GLIS3: variants seen among roughly 807,000 people sequenced by gnomAD.
The protein encoded by GLIS3 is zinc finger protein GLIS3.
GLIS3 carries 53 observed loss-of-function variants against 78.6 expected under a neutral mutation model. The observed-to-expected ratio is 0.67, with a 90% CI of 0.54 to 0.85. The LOEUF (loss-of-function observed/expected upper bound fraction) is 0.85, where lower values mean the gene tolerates loss of function less well. GLIS3 is among the 40% of genes least tolerant of loss of function. The pLI is 0.00. For missense variants in GLIS3, 1,703 were observed against 1,231.1 expected (o/e 1.38, Z -5.74); for synonymous variants, 684 against 509.9 (o/e 1.34, Z -4.60).
At chr9:3,888,292 A>G (rs932994969) in intron 7 of GLIS3, among the ~76,000 whole-genome samples, 1 of 152,192 alleles carries the variant, frequency 6.6e-6, no homozygotes, top group Non-Finnish European at 1.5e-5. Context: ...TCATGCCTCA[A>G]CTATCTCCTA....
chr9:4,023,979 G>A (rs1823095907), intron 4 of GLIS3, among the ~76,000 whole-genome samples: 1 of 151,280 alleles, frequency 6.6e-6, no homozygotes, highest in Non-Finnish European at 1.5e-5. Flanking sequence ...GTCATGAAGA[G>A]TAAGACCATG....
At chr9:4,003,890 T>C (rs1383576053) in intron 4 of GLIS3, among the ~76,000 whole-genome samples, 2 of 152,356 alleles carry the variant, frequency 1.3e-5, no homozygotes, top group East Asian at 3.9e-4. Context: ...TTGTTAAATT[T>C]ATTTGGTAAA....
the GLIS3 span, among the ~76,000 whole-genome samples, chr9:4,408,789 G>A: frequency 1.3e-5 from 2 of 150,798 alleles, no homozygotes; most frequent in Admixed American, 1.3e-4. Flanking sequence ...TGTCATAACA[G>A]GGGGATTATA....
chr9:4,340,297 A>AT (rs1325513531), intron 2 of GLIS3, among the ~76,000 whole-genome samples: 1 of 151,036 alleles, frequency 6.6e-6, no homozygotes, highest in African/African-American at 2.4e-5. Context: ...AAATGAGAAA[A>AT]AAAAAAAAAA....
chr9:4,381,743 G>T, the GLIS3 span, among the ~76,000 whole-genome samples: 1 of 152,194 alleles, frequency 6.6e-6, no homozygotes, highest in Non-Finnish European at 1.5e-5. Context: ...CTGGGGCTGT[G>T]GGAATCCACA....
Position 3,937,196 on chromosome 9 carries a change from A to G in GLIS3, c.1711-7T>C. On this transcript the variant is annotated splice_region_variant and splice_polypyrimidine_tract_variant and intron_variant, in intron 4 of 10. Transcript: ENST00000381971. Reference sequence around the variant, plus strand: ...CCTTCTCGCAACCTTCAAACTGCAAAAAGAAAACAATTTTTGGTGGTTGAG... The same window carrying G: ...CCTTCTCGCAACCTTCAAACTGCAAGAAGAAAACAATTTTTGGTGGTTGAG... 2 of 1,614,130 alleles carry G rather than the reference A, an allele frequency of 1.2e-6. No homozygotes were observed. The highest frequency in any genetic ancestry group is 8.5e-7 in the Non-Finnish European group (1 of 1,179,994).
At chr9:4,182,108 C>T (rs970163302) in intron 2 of GLIS3, among the ~76,000 whole-genome samples, 1 of 152,158 alleles carries the variant, frequency 6.6e-6, no homozygotes, top group Non-Finnish European at 1.5e-5. Flanking sequence ...AGAAGACAAG[C>T]AAAGAATAAA....
chr9:4,386,892 G>A, the GLIS3 span, among the ~76,000 whole-genome samples: 7 of 152,124 alleles, frequency 4.6e-5, no homozygotes, highest in Non-Finnish European at 7.3e-5. Flanking sequence ...CAGAGGGACC[G>A]ATGGTCTTTT....
intron 4 of GLIS3, among the ~76,000 whole-genome samples, chr9:4,057,159 A>G (rs1488850032): frequency 6.6e-6 from 1 of 152,136 alleles, no homozygotes; most frequent in Admixed American, 6.5e-5. Context: ...AAGTAGAGAG[A>G]ATACTAATTC....
At chr9:4,457,067 A>T in the GLIS3 span, among the ~76,000 whole-genome samples, 1 of 152,220 alleles carries the variant, frequency 6.6e-6, no homozygotes. Flanking sequence ...AATTTATAAG[A>T]AATGTAATAT....
intron 4 of GLIS3, among the ~76,000 whole-genome samples, chr9:3,988,460 T>C (rs1819950505): frequency 6.6e-6 from 1 of 152,138 alleles, no homozygotes; most frequent in Admixed American, 6.5e-5. Context: ...TAAATGGAAG[T>C]GAGGTTCCCA....
At chr9:4,444,985 G>A in the GLIS3 span, among the ~76,000 whole-genome samples, 13 of 152,182 alleles carry the variant, frequency 8.5e-5, no homozygotes, top group Middle Eastern at 3.4e-3. Context: ...AACCTCTCCC[G>A]TTGCCCTTGG....
chr9:3,988,106 T>C (rs1474056010), intron 4 of GLIS3, among the ~76,000 whole-genome samples: 2 of 152,116 alleles, frequency 1.3e-5, no homozygotes, highest in African/African-American at 2.4e-5. Flanking sequence ...TCTGTAACCA[T>C]GGAGTCCAGA....
rs981115967 is a variant in GLIS3, at chr9:4,299,995, A to C, written c.-673T>G. The C allele has an allele frequency of 3.3e-5, 5 of 152,026 alleles. No homozygotes were observed. The highest frequency in any genetic ancestry group is 2.0e-4 in the Admixed American group (3 of 15,266). The allele number at this position is 152,026 out of a possible 1,614,324, so 9.4% of individuals were successfully genotyped here. A position where few individuals can be genotyped will look rare whatever the true frequency, so the allele number is the denominator to read the frequency against. On this transcript the variant is annotated 5_prime_UTR_variant, in exon 1 of 11. Coordinates refer to ENST00000381971, the MANE Select transcript of GLIS3 (RefSeq NM_001042413.2). Reference sequence around the variant, plus strand: ...GGGCTGCCCGGGCGGCGCAGTGTGGACGCGGCTGCAGGGAGAGGGGAAGGG... The same window carrying C: ...GGGCTGCCCGGGCGGCGCAGTGTGGCCGCGGCTGCAGGGAGAGGGGAAGGG...
At chr9:4,227,710 A>T (rs1455107594) in intron 2 of GLIS3, among the ~76,000 whole-genome samples, 1 of 152,252 alleles carries the variant, frequency 6.6e-6, no homozygotes. Flanking sequence ...ACAGAAACCC[A>T]ACATATTATC....
At chr9:4,439,333 G>A in the GLIS3 span, among the ~76,000 whole-genome samples, 91 of 152,288 alleles carry the variant, frequency 6.0e-4, 1 homozygote, top group African/African-American at 1.9e-3. Context: ...GAGTTGTGCA[G>A]CCATCTCCAC....
chr9:4,239,396 A>G (rs1285805397), intron 2 of GLIS3, among the ~76,000 whole-genome samples: 1 of 151,788 alleles, frequency 6.6e-6, no homozygotes, highest in Admixed American at 6.6e-5. Flanking sequence ...GATGAGGAAG[A>G]TGAAGTTGTT....
At chr9:4,401,786 G>A in the GLIS3 span, among the ~76,000 whole-genome samples, 4 of 151,520 alleles carry the variant, frequency 2.6e-5, no homozygotes, top group Non-Finnish European at 5.9e-5. Context: ...TTAACAGACA[G>A]TATTTCACCA....
chr9:3,928,174 T>G (rs1395862609), intron 6 of GLIS3, among the ~76,000 whole-genome samples: 1 of 152,218 alleles, frequency 6.6e-6, no homozygotes, highest in Non-Finnish European at 1.5e-5. Flanking sequence ...TAATATAGTT[T>G]CTAAAATGTG....
Sources: allele counts gnomAD v4.1 joint callset (sites outside exome capture counted in the v4.1 genomes callset), GRCh38; gene constraint gnomAD v4.1.1; transcripts MANE v1.5; gene names NCBI Gene and HGNC (gene_info 2026-07-23, HGNC 2026-07-21).